The following GYPC variants were observed in gnomAD, a reference collection of about 807,000 sequenced individuals.
The protein encoded by GYPC is glycophorin C (Gerbich blood group).
Under a neutral mutation model 12.6 loss-of-function variants are expected in GYPC, and 14 were observed. That is an observed-to-expected ratio of 1.11 (90% CI 0.74 to 1.74). The LOEUF (loss-of-function observed/expected upper bound fraction) is 1.74. GYPC is among the 40% of genes most tolerant of loss of function. The pLI, the probability that GYPC is intolerant of heterozygous loss-of-function variation, is 0.00. For synonymous variants in GYPC, 78 were observed against 62.1 expected (o/e 1.26, Z -1.20); for missense variants, 225 against 172.1 (o/e 1.31, Z -1.72).
chr2:126,696,465 C>G lies in GYPC; in HGVS notation c.*323C>G, dbSNP rs982194050. On this transcript the variant is annotated 3_prime_UTR_variant, in exon 4 of 4. Coordinates refer to ENST00000259254, the MANE Select transcript of GYPC (RefSeq NM_002101.5). ...ACATCAGCTCACTGGCAGGAAAGTC[C>G]TTGTTGAGGGTGAGGGGGTGCTGGG... The G allele has an allele frequency of 7.7e-6, 3 of 387,438 alleles. No homozygotes were observed. The highest frequency in any genetic ancestry group is 7.4e-5 in the Admixed American group (2 of 26,936). The allele number at this position is 387,438 out of a possible 1,614,324, so 24.0% of individuals were successfully genotyped here.
At chr2:126,683,920 G>A (rs767291365) in intron 1 of GYPC, among the ~76,000 whole-genome samples, 3 of 152,166 alleles carry the variant, frequency 2.0e-5, no homozygotes, top group African/African-American at 7.2e-5. Context: ...GGGCAGAGAG[G>A]CCACATCTCC....
chr2:126,670,548 T>A (rs924454006), intron 1 of GYPC, among the ~76,000 whole-genome samples: 7 of 152,158 alleles, frequency 4.6e-5, no homozygotes, highest in African/African-American at 1.7e-4. Flanking sequence ...AGCAGGGATG[T>A]GCCTGCGCTC....
intron 1 of GYPC, among the ~76,000 whole-genome samples, chr2:126,664,738 C>T (rs1024242082): frequency 2.6e-4 from 40 of 152,240 alleles, no homozygotes; most frequent in Admixed American, 1.5e-3. Context: ...AGCCCACTGC[C>T]TCTGCTCTCC....
At chr2:126,664,091 G>A (rs1682616921) in intron 1 of GYPC, among the ~76,000 whole-genome samples, 1 of 151,834 alleles carries the variant, frequency 6.6e-6, no homozygotes, top group Non-Finnish European at 1.5e-5. Context: ...TGCCCTGGAT[G>A]GATTTGTCAT....
intron 1 of GYPC, chr2:126,686,498 A>G (rs947256928): frequency 1.0e-6 from 1 of 985,536 alleles, no homozygotes; most frequent in Non-Finnish European, 1.2e-6. Flanking sequence ...AAAGATGAGC[A>G]TAGTGAAGGC....
At chr2:126,677,036 C>T (rs1683010222) in intron 1 of GYPC, among the ~76,000 whole-genome samples, 1 of 152,236 alleles carries the variant, frequency 6.6e-6, no homozygotes, top group Non-Finnish European at 1.5e-5. Context: ...GTCACAGGAA[C>T]TGGCCCCTGA....
intron 1 of GYPC, chr2:126,658,843 C>T (rs1682444502): frequency 6.6e-6 from 1 of 151,994 alleles, no homozygotes; most frequent in Non-Finnish European, 1.5e-5. Context: ...TAATCAGTTC[C>T]TCTGCTGATG....
intron 1 of GYPC, among the ~76,000 whole-genome samples, chr2:126,659,789 T>C (rs1682481472): frequency 6.7e-6 from 1 of 149,226 alleles, no homozygotes; most frequent in Admixed American, 6.6e-5. Context: ...TCTTTTTTTT[T>C]TTTTTTTTGA....
intron 1 of GYPC, among the ~76,000 whole-genome samples, chr2:126,689,221 C>G (rs938734): frequency 0.56 from 84,748 of 151,526 alleles, 24,297 homozygotes; most frequent in African/African-American, 0.68. Context: ...AAGGGCTTCT[C>G]CAAGAGAGAA....
At chr2:126,658,486 T>C (rs1257103994) in intron 1 of GYPC, 2 of 152,270 alleles carry the variant, frequency 1.3e-5, no homozygotes, top group Admixed American at 6.5e-5. Flanking sequence ...CCTCTTCAGG[T>C]GGCAGACCTG....
chr2:126,692,458 A>G (rs181097599), intron 2 of GYPC, among the ~76,000 whole-genome samples: 1 of 152,196 alleles, frequency 6.6e-6, no homozygotes, highest in African/African-American at 2.4e-5. Flanking sequence ...TCATAGCACT[A>G]TAATTAAAGT....
chr2:126,689,661 G>C (rs576028274), intron 1 of GYPC, among the ~76,000 whole-genome samples: 167 of 152,064 alleles, frequency 1.1e-3, no homozygotes, highest in African/African-American at 3.9e-3. Flanking sequence ...AAACTCTCTT[G>C]CTTTCTATAT....
At chr2:126,682,259 C>T (rs1173518920) in intron 1 of GYPC, among the ~76,000 whole-genome samples, 1 of 151,918 alleles carries the variant, frequency 6.6e-6, no homozygotes, top group Non-Finnish European at 1.5e-5. Flanking sequence ...ATCCTTAAAT[C>T]AATCAGCAGT....
At chr2:126,665,727 G>A (rs755602892) in intron 1 of GYPC, among the ~76,000 whole-genome samples, 5 of 152,232 alleles carry the variant, frequency 3.3e-5, no homozygotes, top group Non-Finnish European at 5.9e-5. Flanking sequence ...CCTGGCAAGC[G>A]CCCACTCTGC....
chr2:126,677,734 G>A (rs1275119843), intron 1 of GYPC, among the ~76,000 whole-genome samples: 2 of 152,126 alleles, frequency 1.3e-5, no homozygotes, highest in Non-Finnish European at 2.9e-5. Flanking sequence ...TCCGGGAGGG[G>A]TGCTTGGAGT....
chr2:126,691,644 T>C (rs1177867836), intron 2 of GYPC, among the ~76,000 whole-genome samples: 1 of 152,176 alleles, frequency 6.6e-6, no homozygotes, highest in Non-Finnish European at 1.5e-5. Flanking sequence ...TCTGCCCTGT[T>C]TTCTGGGACT....
chr2:126,666,708 T>TACACACACACACACACACAC (rs67904410), intron 1 of GYPC, among the ~76,000 whole-genome samples: 2 of 118,422 alleles, frequency 1.7e-5, no homozygotes, highest in Non-Finnish European at 3.4e-5. Flanking sequence ...CCTCCCTCCC[T>TACACACACACACACACACAC]ACACACACAC....
chr2:126,660,596 C>A (rs1409385796), intron 1 of GYPC, among the ~76,000 whole-genome samples: 1 of 152,144 alleles, frequency 6.6e-6, no homozygotes, highest in Non-Finnish European at 1.5e-5. Flanking sequence ...TCTGTGACCC[C>A]GCCTGTCCCC....
At position 126,696,240 on chromosome 2, in the gene GYPC, A is replaced by C; in HGVS notation, c.*98A>C. 2 of 888,512 alleles carry C rather than the reference A, an allele frequency of 2.3e-6. No individual in the cohort carries two copies. Among genetic ancestry groups the C allele is most frequent in the Non-Finnish European group, 3.7e-6 (2 of 541,856 alleles). The allele number at this position is 888,512 out of a possible 1,614,324, so 55.0% of individuals were successfully genotyped here. A position where few individuals can be genotyped will look rare whatever the true frequency, so the allele number is the denominator to read the frequency against. ...CCCCTGCTGATACCACCAGACAGAG[A>C]GAGAGAGCACTTGATTCTTCCCGAG... On this transcript the variant is annotated 3_prime_UTR_variant, in exon 4 of 4. Coordinates refer to ENST00000259254, the MANE Select transcript of GYPC (RefSeq NM_002101.5).
Sources: allele counts gnomAD v4.1 joint callset (sites outside exome capture counted in the v4.1 genomes callset), GRCh38; gene constraint gnomAD v4.1.1; transcripts MANE v1.5; gene names NCBI Gene and HGNC (gene_info 2026-07-23, HGNC 2026-07-21).